The following GMPS variants were observed in gnomAD, a reference collection of about 807,000 sequenced individuals.
GMPS encodes the protein guanosine monophosphate synthase.
A neutral mutation model predicts 77.9 loss-of-function variants in GMPS; 15 were observed. The ratio of observed to expected loss-of-function variants is 0.19; its 90% CI spans 0.13 to 0.30. The LOEUF (loss-of-function observed/expected upper bound fraction) is 0.30. Among genes scored for constraint, GMPS ranks in the 10% least tolerant of loss-of-function variants. The probability of loss-of-function intolerance (pLI) is 1.00; values close to 1 mark genes in which losing one functional copy is unlikely to be tolerated. For missense variants in GMPS, 590 were observed against 838.8 expected (o/e 0.70, Z 3.66); for synonymous variants, 224 against 275.9 (o/e 0.81, Z 1.86).
chr3:155,928,215 C>T (rs550677485), intron 12 of GMPS, among the ~76,000 whole-genome samples: 3 of 151,748 alleles, frequency 2.0e-5, no homozygotes, highest in South Asian at 2.1e-4. Flanking sequence ...TTAGTAGAGA[C>T]GGGGTTTCAC....
At chr3:155,878,200 T>C (rs1754105105) in intron 1 of GMPS, among the ~76,000 whole-genome samples, 1 of 152,170 alleles carries the variant, frequency 6.6e-6, no homozygotes, top group Non-Finnish European at 1.5e-5. Context: ...ACATATGAAT[T>C]TTAGGGGGAC....
At chr3:155,921,786 T>C (rs995123817) in intron 10 of GMPS, among the ~76,000 whole-genome samples, 1 of 152,104 alleles carries the variant, frequency 6.6e-6, no homozygotes, top group Admixed American at 6.5e-5. Flanking sequence ...AGCAAGACTC[T>C]ATCTCTTAAA....
rs927569006 is a variant in GMPS, at chr3:155,870,722, C to G, written c.-149C>G. 12 of 577,406 alleles carry G rather than the reference C, an allele frequency of 2.1e-5. No homozygotes were observed. The highest frequency in any genetic ancestry group is 2.8e-5 in the Non-Finnish European group (9 of 326,776). The allele number at this position is 577,406 out of a possible 1,614,324, so 35.8% of individuals were successfully genotyped here. ...TCCGCTGCTGTTGCTCCATTCGGCG[C>G]TTTTCTGGCGGCTGGCTCCTCTCCG... On this transcript the variant is annotated 5_prime_UTR_variant, in exon 1 of 16. Transcript: ENST00000496455.
At chr3:155,897,760 C>T (rs62286837) in intron 2 of GMPS, among the ~76,000 whole-genome samples, 167 bp from the exon 3 acceptor site, 8,311 of 152,224 alleles carry the variant, frequency 0.055, 316 homozygotes, top group East Asian at 0.18. Context: ...AATTAAACCA[C>T]GTAGGATGAC....
At chr3:155,913,688 T>C (rs1755096998) in intron 7 of GMPS, among the ~76,000 whole-genome samples, 1 of 151,972 alleles carries the variant, frequency 6.6e-6, no homozygotes, top group Admixed American at 6.6e-5. Context: ...GCCCCACTAA[T>C]TTTTGTGTTT....
intron 1 of GMPS, among the ~76,000 whole-genome samples, 191 bp from the exon 2 acceptor site, chr3:155,893,326 TA>T (rs1048910673): frequency 9.2e-5 from 14 of 152,380 alleles, no homozygotes; most frequent in African/African-American, 3.4e-4. Context: ...TTTAAGTGTT[TA>T]ATATATGCCC....
intron 1 of GMPS, among the ~76,000 whole-genome samples, chr3:155,885,353 T>C (rs1260440048): frequency 6.6e-6 from 1 of 152,202 alleles, no homozygotes; most frequent in African/African-American, 2.4e-5. Flanking sequence ...AATTAAGTGA[T>C]TGAAATTTTT....
intron 1 of GMPS, among the ~76,000 whole-genome samples, chr3:155,879,083 A>G (rs925198102): frequency 1.3e-5 from 2 of 152,064 alleles, no homozygotes; most frequent in Non-Finnish European, 2.9e-5. Context: ...GCCTGCTCAC[A>G]TTGGATGAGG....
chr3:155,922,176 C>G lies in GMPS; in HGVS notation c.1319-11C>G. 1 of 1,134,268 alleles carries G rather than the reference C, an allele frequency of 8.8e-7. No individual in the cohort carries two copies. Among genetic ancestry groups the G allele is most frequent in the Non-Finnish European group, 1.3e-6 (1 of 793,504 alleles). 70.3% of individuals were successfully genotyped at this position (1,134,268 alleles called of 1,614,324 possible). On this transcript the variant is annotated splice_polypyrimidine_tract_variant and intron_variant, in intron 10 of 15. Coordinates refer to ENST00000496455, the MANE Select transcript of GMPS (RefSeq NM_003875.3). ...ATTAATGTTAAATACTATTATTACT[C>G]CTACCTTTAGGTCCTGGCCTGGCAA...
intron 2 of GMPS, 32 bp from the exon 3 acceptor site, chr3:155,897,895 A>G: frequency 9.5e-7 from 1 of 1,050,650 alleles, no homozygotes; most frequent in Middle Eastern, 2.0e-4. Flanking sequence ...AAATTAACAG[A>G]GATTCTTCAC....
rs963195542 is a variant in GMPS at position 155,870,692 on chromosome 3, C to G, written c.-179C>G. On this transcript the variant is annotated 5_prime_UTR_variant, in exon 1 of 16. Coordinates refer to ENST00000496455, the MANE Select transcript of GMPS (RefSeq NM_003875.3). ...TCTTCTCTCCCGCGGCGCTGGGGCC[C>G]GCGCTCCGCTGCTGTTGCTCCATTC... 5.8e-6 allele frequency: 3 copies of G among 520,202 alleles called. No individual in the cohort carries two copies. The highest frequency in any genetic ancestry group is 2.0e-5 in the African/African-American group (1 of 49,368). The allele number at this position is 520,202 out of a possible 1,614,324, so 32.2% of individuals were successfully genotyped here. A position where few individuals can be genotyped will look rare whatever the true frequency, so the allele number is the denominator to read the frequency against.
intron 15 of GMPS, among the ~76,000 whole-genome samples, chr3:155,937,092 C>G (rs943294063): frequency 6.6e-6 from 1 of 152,174 alleles, no homozygotes; most frequent in Non-Finnish European, 1.5e-5. Context: ...AGTCATTTTT[C>G]TCTTAGGCTC....
rs35759331 is a variant in GMPS, at chr3:155,891,604, CT to C, written c.28-1895del. Among the ~76,000 whole-genome samples the C allele has an allele frequency of 9.2e-3, 1,177 of 127,868 alleles. 13 individuals are homozygous for C. The highest frequency in any genetic ancestry group is 0.019 in the East Asian group (84 of 4,442). 83.9% of individuals were successfully genotyped at this position (127,868 alleles called of 152,430 possible). On this transcript the variant is annotated intron_variant, in intron 1 of 15. Transcript: ENST00000496455. ...CTGTAGATGACTGATTTGTTTGTTA[CT>C]TTTTTTTTTTTTTTTTTTGAGATGG...
chr3:155,924,523 GA>G (rs1379572032), intron 11 of GMPS, among the ~76,000 whole-genome samples: 1 of 152,010 alleles, frequency 6.6e-6, no homozygotes, highest in African/African-American at 2.4e-5. Context: ...AACACTTAAG[GA>G]CAACTACTGC....
chr3:155,877,797 C>CTTT (rs35973380), intron 1 of GMPS, among the ~76,000 whole-genome samples: 1 of 113,056 alleles, frequency 8.8e-6, no homozygotes, highest in African/African-American at 3.3e-5. Flanking sequence ...ACCTTGGGGC[C>CTTT]TTTTTTTTTT....
chr3:155,911,168 G>T lies in GMPS; in HGVS notation c.775G>T (p.Ala259Ser). ...AGTTTGTACAGCTTTGCTAAATCGTGCTTTGAACCAAGAACAAGTCATTGC... is the reference window on the plus strand; with the variant it reads ...AGTTTGTACAGCTTTGCTAAATCGTTCTTTGAACCAAGAACAAGTCATTGC... ...STVCTALLNRALNQEQVIAVH... is the reference protein window; with the variant it reads ...STVCTALLNRSLNQEQVIAVH... The change falls in exon 7 of 16, where the codon GCT becomes TCT. Residue 259 changes from alanine to serine, a missense_variant. Around this residue, in one of 6 missense-constraint regions of GMPS, gnomAD observed 181 missense variants for 186.8 expected, o/e 0.97. Transcript: ENST00000496455. The T allele has an allele frequency of 6.2e-7, 1 of 1,612,978 alleles. No homozygotes were observed. Among genetic ancestry groups the T allele is most frequent in the Non-Finnish European group, 8.5e-7 (1 of 1,179,028 alleles).
At position 155,927,773 on chromosome 3, in the gene GMPS, A is replaced by G. The variant is rs537287170; in HGVS notation, c.1560+2407A>G. ...AGAAACACTTTAAAAAGAAAATAAA[A>G]GAGGGGATTTGGGGTACACATTGTC... On this transcript the variant is annotated intron_variant, in intron 12 of 15. Coordinates refer to ENST00000496455, the MANE Select transcript of GMPS (RefSeq NM_003875.3). 3.3e-5 allele frequency among the ~76,000 whole-genome samples: 5 copies of G among 152,316 alleles called. No homozygotes were observed. The South Asian group carries it at 1.0e-3, about 32-fold the overall frequency.
At chr3:155,870,228 G>T, upstream of GMPS, among the ~76,000 whole-genome samples, 1 of 152,360 alleles carries the variant, frequency 6.6e-6, no homozygotes, top group East Asian at 1.9e-4. Flanking sequence ...CCACGCCACC[G>T]GCTAAGAGTT....
At chr3:155,907,726 G>T (rs1281885945) in intron 5 of GMPS, among the ~76,000 whole-genome samples, 1 of 152,220 alleles carries the variant, frequency 6.6e-6, no homozygotes, top group Non-Finnish European at 1.5e-5. Context: ...GGGGAAGAGG[G>T]TATTCTGGAA....
Sources: allele counts gnomAD v4.1 joint callset (sites outside exome capture counted in the v4.1 genomes callset), GRCh38; gene constraint gnomAD v4.1.1; regional missense constraint gnomAD v4.1.1; transcripts MANE v1.5; gene names NCBI Gene and HGNC (gene_info 2026-07-23, HGNC 2026-07-21).